USH2A: variants seen among roughly 807,000 people sequenced by gnomAD.
USH2A encodes the protein Usher syndrome 2A (autosomal recessive, mild).
A neutral mutation model predicts 538.9 loss-of-function variants in USH2A; 443 were observed. That is an observed-to-expected ratio of 0.82 (90% CI 0.76 to 0.89). The LOEUF is 0.89. Ranked by LOEUF, USH2A falls within the 40% of genes least tolerant of loss-of-function variation. USH2A has a pLI of 0.00. For missense variants in USH2A, 6,633 were observed against 6,324.8 expected (o/e 1.05, Z -1.65); for synonymous variants, 2,413 against 2,273.5 (o/e 1.06, Z -1.75).
At chr1:216,195,551 T>C (rs2102458285) in intron 19 of USH2A, among the ~76,000 whole-genome samples, 1 of 152,000 alleles carries the variant, frequency 6.6e-6, no homozygotes, top group South Asian at 2.1e-4. Flanking sequence ...ACCCATGTTG[T>C]GTGGAAAGAG....
intron 3 of USH2A, among the ~76,000 whole-genome samples, chr1:216,365,868 G>A (rs147602086): frequency 5.6e-3 from 854 of 152,184 alleles, no homozygotes; most frequent in Non-Finnish European, 9.4e-3. Context: ...AAAAACAGGT[G>A]GCCAGCCAAT....
chr1:215,846,084 GAA>G lies in USH2A; in HGVS notation c.8846-53_8846-52del, dbSNP rs77889398. On this transcript the variant is annotated intron_variant, in intron 44 of 71. Coordinates refer to ENST00000307340, the MANE Select transcript of USH2A (RefSeq NM_206933.4). ...GTGAATGTAGCTGAGGCTTTCAGGG[GAA>G]AAAAAAAATTCTATCATTAGCTTTC... The G allele has an allele frequency of 0.029, 43,058 of 1,483,748 alleles. 741 individuals are homozygous for G. Among genetic ancestry groups the G allele is most frequent in the African/African-American group, 0.053 (3,742 of 70,406 alleles). 91.9% of individuals were successfully genotyped at this position (1,483,748 alleles called of 1,614,324 possible).
intron 32 of USH2A, among the ~76,000 whole-genome samples, chr1:216,012,466 C>T (rs12409790): frequency 0.14 from 21,983 of 151,934 alleles, 1,684 homozygotes; most frequent in Middle Eastern, 0.23. Context: ...AAGTACAGGC[C>T]TTTCCTACAG....
intron 44 of USH2A, among the ~76,000 whole-genome samples, chr1:215,857,477 G>T (rs1401964403): frequency 2.0e-5 from 3 of 152,196 alleles, no homozygotes; most frequent in Admixed American, 6.5e-5. Flanking sequence ...AGCCAGAAAA[G>T]ATTCTTCAAG....
At chr1:215,830,065 A>G (rs556152279) in intron 47 of USH2A, among the ~76,000 whole-genome samples, 143 of 152,320 alleles carry the variant, frequency 9.4e-4, no homozygotes, top group South Asian at 9.3e-3. Flanking sequence ...AGGAGGGGAG[A>G]CAAAACTTTA....
At chr1:216,387,956 C>T (rs951510063) in intron 3 of USH2A, among the ~76,000 whole-genome samples, 8 of 152,064 alleles carry the variant, frequency 5.3e-5, no homozygotes, top group African/African-American at 1.7e-4. Flanking sequence ...ACCTTCTAAC[C>T]CTCTCTTTTG....
chr1:215,767,846 G>A (rs1661175092), intron 55 of USH2A, among the ~76,000 whole-genome samples: 1 of 152,056 alleles, frequency 6.6e-6, no homozygotes, highest in African/African-American at 2.4e-5. Context: ...AGGATATTGA[G>A]GCTTACAAGA....
chr1:216,292,416 T>A, intron 9 of USH2A, 46 bp from the exon 10 acceptor site: 1 of 1,587,586 alleles, frequency 6.3e-7, no homozygotes, highest in Non-Finnish European at 8.6e-7. Flanking sequence ...AAGCTGTGAT[T>A]TTCTTTCATT....
chr1:216,113,513 A>T (rs2032924966), intron 21 of USH2A, among the ~76,000 whole-genome samples: 1 of 152,122 alleles, frequency 6.6e-6, no homozygotes, highest in Non-Finnish European at 1.5e-5. Context: ...TTTAAAATGA[A>T]ATCTTATTCT....
In USH2A at chr1:215,857,597, T is replaced by C. The variant is rs556635725; in HGVS notation, c.8845+9410A>G. 2.1e-4 allele frequency among the ~76,000 whole-genome samples: 32 copies of C among 152,256 alleles called. 1 individual carries two copies. Among genetic ancestry groups the C allele is most frequent in the African/African-American group, 7.5e-4 (31 of 41,554 alleles). On this transcript the variant is annotated intron_variant, in intron 44 of 71. Transcript: ENST00000307340. Reference sequence around the variant, plus strand: ...AAAGGAGAAACACGCACATGTGCAATTGAGTTTTACATCCCCTGGTGCATC... The same window carrying C: ...AAAGGAGAAACACGCACATGTGCAACTGAGTTTTACATCCCCTGGTGCATC...
chr1:216,354,734 A>G (rs115099559), intron 4 of USH2A, among the ~76,000 whole-genome samples: 1 of 152,022 alleles, frequency 6.6e-6, no homozygotes, highest in Admixed American at 6.6e-5. Context: ...AACAAACAAA[A>G]CTGTACCCAA....
At chr1:215,636,993 T>C (rs528945360) in intron 69 of USH2A, among the ~76,000 whole-genome samples, 2 of 152,172 alleles carry the variant, frequency 1.3e-5, no homozygotes, top group South Asian at 4.2e-4. Flanking sequence ...GGTGTCCCTT[T>C]ATCCCTTCCC....
At chr1:216,029,011 A>T (rs570655231) in intron 32 of USH2A, among the ~76,000 whole-genome samples, 1 of 152,188 alleles carries the variant, frequency 6.6e-6, no homozygotes, top group East Asian at 1.9e-4. Context: ...GACAATTTGA[A>T]TTTTTCTTTA....
chr1:215,636,193 C>T (rs2102631972), intron 69 of USH2A, among the ~76,000 whole-genome samples: 1 of 152,324 alleles, frequency 6.6e-6, no homozygotes, highest in African/African-American at 2.4e-5. Context: ...TTTTCAACAC[C>T]TCTAGAACTC....
At chr1:215,667,591 C>G (rs1657670729) in intron 64 of USH2A, among the ~76,000 whole-genome samples, 1 of 151,606 alleles carries the variant, frequency 6.6e-6, no homozygotes. Context: ...TCCCAGCTAC[C>G]AGGAGGCTGA....
At position 215,655,149 on chromosome 1, in the gene USH2A, G is replaced by A. The variant is rs569824127; in HGVS notation, c.14134-4348C>T. Among the ~76,000 whole-genome samples the A allele has an allele frequency of 4.6e-5, 7 of 152,212 alleles. No individual in the cohort carries two copies. The East Asian group carries it at 9.7e-4, about 21-fold the overall frequency. On this transcript the variant is annotated intron_variant, in intron 64 of 71. Coordinates refer to ENST00000307340, the MANE Select transcript of USH2A (RefSeq NM_206933.4). ...CTGCCCTTTCAACATATTTCCAAGC[G>A]CTTTTTACACCCAATATTATTTGAA...
chr1:215,898,564 G>C (rs1418387623), intron 40 of USH2A, among the ~76,000 whole-genome samples: 1 of 151,994 alleles, frequency 6.6e-6, no homozygotes, highest in Non-Finnish European at 1.5e-5. Flanking sequence ...CCTTTCTCTA[G>C]GAGAATAAAG....
At chr1:216,160,886 C>T (rs1164859888) in intron 21 of USH2A, among the ~76,000 whole-genome samples, 2 of 151,934 alleles carry the variant, frequency 1.3e-5, no homozygotes, top group Non-Finnish European at 2.9e-5. Flanking sequence ...CTGTTTATTT[C>T]TGTCAACTTC....
Position 215,752,845 on chromosome 1 carries a change from A to G in USH2A, c.11389+5750T>C, listed in dbSNP as rs1432853718. On this transcript the variant is annotated intron_variant, in intron 58 of 71. Coordinates refer to ENST00000307340, the MANE Select transcript of USH2A (RefSeq NM_206933.4). The stretch of plus-strand genomic sequence containing the variant: ...TAAACTAAAGAGCTTCTGCACTGCA[A>G]AAGAAACTACCATCAGAGTGAACAG... 2.6e-5 allele frequency among the ~76,000 whole-genome samples: 4 copies of G among 152,232 alleles called. No individual in the cohort carries two copies. In the East Asian group the frequency reaches 7.7e-4, roughly 29 times the overall value.
Sources: gnomAD v4.1 joint callset for allele counts (sites outside exome capture counted in the v4.1 genomes callset) on GRCh38, gnomAD v4.1.1 for gene constraint, MANE v1.5 for transcripts, NCBI Gene and HGNC (gene_info 2026-07-23, HGNC 2026-07-21) for gene names.